Variants in RNH1 observed in about 807,000 individuals in gnomAD.
RNH1 encodes ribonuclease inhibitor.
In RNH1, 38 loss-of-function variants were observed where a neutral mutation model predicts 46.1. The ratio of observed to expected loss-of-function variants is 0.82; its 90% CI spans 0.64 to 1.08. RNH1 has a LOEUF of 1.08. Ranked by LOEUF, RNH1 falls within the 50% of genes least tolerant of loss-of-function variation. RNH1 has a pLI of 0.00. For synonymous variants in RNH1, 319 were observed against 279.1 expected, an observed-to-expected ratio of 1.14 and a Z score of -1.43; for missense variants, 577 against 590.7, an observed-to-expected ratio of 0.98 and a Z score of 0.24.
In RNH1 at chr11:495,500, C is replaced by T. The variant is rs567429388; in HGVS notation, c.1128-447G>A. Among the ~76,000 whole-genome samples the T allele has an allele frequency of 8.6e-4, 131 of 152,284 alleles. 2 individuals carry two copies. Among genetic ancestry groups the T allele is most frequent in the African/African-American group, 3.1e-3 (127 of 41,556 alleles). Reference sequence around the variant, plus strand: ...TAGGCTCCAGAGAGAGACAAGAGAACGGGTCAGACAAAAGAGGATGGGATA... The same window carrying T: ...TAGGCTCCAGAGAGAGACAAGAGAATGGGTCAGACAAAAGAGGATGGGATA... On this transcript the variant is annotated intron_variant, in intron 9 of 10. Coordinates refer to ENST00000354420, the MANE Select transcript of RNH1 (RefSeq NM_203387.3).
chr11:494,905 C>T lies in RNH1; in HGVS notation c.1276G>A (p.Gly426Ser). Residue 426 changes from glycine to serine, a missense_variant, in exon 10 of 11, where the codon GGC becomes AGC. Transcript: ENST00000354420. ...TACACCAGCTGCTCCAGGAGGCAGCCCGGCTGCCGGACGCTCTCCACCAGC... is the reference window on the plus strand; with the variant it reads ...TACACCAGCTGCTCCAGGAGGCAGCTCGGCTGCCGGACGCTCTCCACCAGC... ...LQLVESVRQP[G>S]CLLEQLVLYD... 1 of 1,611,584 alleles carries T rather than the reference C, an allele frequency of 6.2e-7. No homozygotes were observed. The highest frequency in any genetic ancestry group is 8.5e-7 in the Non-Finnish European group (1 of 1,179,234).
At position 497,891 on chromosome 11, in the gene RNH1, C is replaced by T. The variant is rs1849321961; in HGVS notation, c.1127+80G>A. On this transcript the variant is annotated intron_variant, in intron 9 of 10. Coordinates refer to ENST00000354420, the MANE Select transcript of RNH1 (RefSeq NM_203387.3). Reference sequence around the variant, plus strand: ...ACGGACACTCGTGCTCACACAGATACTCGTGCACTCTCGCCCTTGTGTGCA... The same window carrying T: ...ACGGACACTCGTGCTCACACAGATATTCGTGCACTCTCGCCCTTGTGTGCA... 4.0e-6 allele frequency: 6 copies of T among 1,502,464 alleles called. No individual in the cohort carries two copies. The Admixed American group carries it at 5.6e-5, about 14-fold the overall frequency. 93.1% of individuals were successfully genotyped at this position (1,502,464 alleles called of 1,614,324 possible).
Position 499,190 on chromosome 11 carries a change from G to C in RNH1, c.444-5C>G. The C allele has an allele frequency of 6.2e-7, 1 of 1,611,750 alleles. No homozygotes were observed. The highest frequency in any genetic ancestry group is 1.1e-5 in the South Asian group (1 of 91,080). On this transcript the variant is annotated splice_region_variant and splice_polypyrimidine_tract_variant and intron_variant, in intron 5 of 10. Coordinates refer to ENST00000354420, the MANE Select transcript of RNH1 (RefSeq NM_203387.3). ...GAGAGGCTGCAATACTCCAGCCTGG[G>C]GGACAGCAGAGCTCAGCACCACACA...
chr11:505,747 A>G (rs1006093563), intron 1 of RNH1: 4 of 152,006 alleles, frequency 2.6e-5, no homozygotes, highest in African/African-American at 9.7e-5. Flanking sequence ...TTTTGTAGAG[A>G]CGGGGGTCTC....
At position 502,751 on chromosome 11, in the gene RNH1, G is replaced by T. The variant is rs1315688937; in HGVS notation, c.-87-502C>A. ...GTCCGAAGCAAGACAGAGCAGGGGGGCGGCCACTTGGGGTGTCAGCTTCCA... is the reference window on the plus strand; with the variant it reads ...GTCCGAAGCAAGACAGAGCAGGGGGTCGGCCACTTGGGGTGTCAGCTTCCA... On this transcript the variant is annotated intron_variant, in intron 2 of 10. Transcript: ENST00000354420. The surrounding 1 kb of genome is among the most constrained non-coding windows in gnomAD (Gnocchi z 5.8). The T allele has an allele frequency of 6.5e-6, 1 of 153,402 alleles. No individual in the cohort carries two copies. Among genetic ancestry groups the T allele is most frequent in the East Asian group, 1.9e-4 (1 of 5,286 alleles). The allele number at this position is 153,402 out of a possible 1,614,324, so 9.5% of individuals were successfully genotyped here.
rs762901413 is a variant in RNH1 at position 498,589 on chromosome 11, T to TC, written c.823dup (p.Asp275GlyfsTer25). The TC allele has an allele frequency of 5.0e-6, 8 of 1,612,604 alleles. No homozygotes were observed. Among genetic ancestry groups the TC allele is most frequent in the African/African-American group, 1.3e-5 (1 of 74,870 alleles). ...CTTGGCCCTGAGGACACGGCACAGA[T>TC]CCCCGCAGCCCTTGGCAGTGATGCC... On this transcript the variant is annotated frameshift_variant, in exon 8 of 11. Coordinates refer to ENST00000354420, the MANE Select transcript of RNH1 (RefSeq NM_203387.3). LOFTEE classifies it high-confidence loss of function.
intron 9 of RNH1, among the ~76,000 whole-genome samples, chr11:495,784 C>T (rs1022276503): frequency 7.2e-5 from 11 of 152,156 alleles, no homozygotes; most frequent in Non-Finnish European, 1.6e-4. Context: ...AGGAAGCCCT[C>T]GAGAAACGCA....
Position 502,105 on chromosome 11 carries a change from A to T in RNH1, c.58T>A (p.Trp20Arg). 6.2e-7 allele frequency: 1 copy of T among 1,612,446 alleles called. No homozygotes were observed. The highest frequency in any genetic ancestry group is 8.5e-7 in the Non-Finnish European group (1 of 1,179,610). Reference protein sequence around the residue: ...IQCEELSDARWAELLPLLQQC... With the variant: ...IQCEELSDARRAELLPLLQQC... Reference sequence around the variant, plus strand: ...TGGAGCAGAGGGAGGAGCTCGGCCCATCTAGCGTCGCTCAGCTCCTCACAC... The same window carrying T: ...TGGAGCAGAGGGAGGAGCTCGGCCCTTCTAGCGTCGCTCAGCTCCTCACAC... The change falls in exon 3 of 11, where the codon TGG becomes AGG. Residue 20 changes from tryptophan to arginine, a missense_variant. Coordinates refer to ENST00000354420, the MANE Select transcript of RNH1 (RefSeq NM_203387.3). This position sits in a 1 kb window ranked among gnomAD's most constrained non-coding sequence, Gnocchi z 5.8.
chr11:498,896 C>G lies in RNH1; in HGVS notation c.652G>C (p.Asp218His), dbSNP rs1212921880. Residue 218 changes from aspartate to histidine, a missense_variant, in exon 7 of 11, where the codon GAC (aspartate) becomes CAC (histidine). By Grantham distance (81) the Asp-to-His change is moderately conservative (BLOSUM62 -1). Transcript: ENST00000354420. ...TTGGAGGCCACAATGCCGCACAGGT[C>G]CCGGCAGTTGTCTGATGTCACACCG... Reference protein sequence around the residue: ...SCGVTSDNCRDLCGIVASKAS... With the variant: ...SCGVTSDNCRHLCGIVASKAS... The G allele has an allele frequency of 6.2e-7, 1 of 1,612,696 alleles. No individual in the cohort carries two copies. Among genetic ancestry groups the G allele is most frequent in the East Asian group, 2.2e-5 (1 of 44,874 alleles).
Position 499,174 on chromosome 11 carries a change from C to T in RNH1, c.455G>A (p.Cys152Tyr), listed in dbSNP as rs1251156343. The T allele has an allele frequency of 6.2e-7, 1 of 1,612,420 alleles. No homozygotes were observed. Among genetic ancestry groups the T allele is most frequent in the African/African-American group, 1.3e-5 (1 of 74,932 alleles). Residue 152 changes from cysteine to tyrosine, a missense_variant, in exon 6 of 11, where the codon TGC becomes TAC. Coordinates refer to ENST00000354420, the MANE Select transcript of RNH1 (RefSeq NM_203387.3). Reference protein sequence around the residue: ...CRLEKLQLEYCSLSAASCEPL... With the variant: ...CRLEKLQLEYYSLSAASCEPL... ...CTCGCAGCTGGCAGCCGAGAGGCTGCAATACTCCAGCCTGGGGGACAGCAG... is the reference window on the plus strand; with the variant it reads ...CTCGCAGCTGGCAGCCGAGAGGCTGTAATACTCCAGCCTGGGGGACAGCAG...
At chr11:498,258 A>T (rs1465066001) in intron 8 of RNH1, 117 bp from the exon 9 acceptor site, 1 of 1,304,218 alleles carries the variant, frequency 7.7e-7, no homozygotes, top group African/African-American at 1.5e-5. Context: ...ACAGCCTCCC[A>T]GCAAGTGGGC....
At chr11:500,100 G>T (rs1326567669) in intron 4 of RNH1, 101 bp from the exon 5 acceptor site, 5 of 1,316,306 alleles carry the variant, frequency 3.8e-6, no homozygotes, top group Non-Finnish European at 5.1e-6. Flanking sequence ...TCAGGCGGCA[G>T]GTCTATACCT....
rs1848871319 is a variant in RNH1, at chr11:494,639, C to G, written c.*52G>C. 6.5e-7 allele frequency: 1 copy of G among 1,549,296 alleles called. No homozygotes were observed. Among genetic ancestry groups the G allele is most frequent in the South Asian group, 1.1e-5 (1 of 89,872 alleles). On this transcript the variant is annotated 3_prime_UTR_variant, in exon 11 of 11. Transcript: ENST00000354420. ...AGAGCATGGCAGGGGCTGGTGGGCCCCAGGGTTGCCTCGAGGCCGGTCGTC... is the reference window on the plus strand; with the variant it reads ...AGAGCATGGCAGGGGCTGGTGGGCCGCAGGGTTGCCTCGAGGCCGGTCGTC...
intron 1 of RNH1, 98 bp from the exon 2 acceptor site, chr11:505,094 CTCA>C (rs1042688068): frequency 6.6e-5 from 10 of 152,098 alleles, no homozygotes; most frequent in African/African-American, 1.7e-4. Context: ...TCATTAATGC[CTCA>C]TGTCTCTCTA....
intron 3 of RNH1, 59 bp from the exon 4 acceptor site, chr11:500,713 C>T (rs1168248659): frequency 6.4e-7 from 1 of 1,572,564 alleles, no homozygotes; most frequent in Middle Eastern, 1.7e-4. Flanking sequence ...TCAGCCTCCA[C>T]CACCACCCCA....
chr11:498,513 A>C lies in RNH1; in HGVS notation c.900T>G (p.Gly300=). Residue 300 remains glycine, a synonymous_variant, in exon 8 of 11, where the codon GGT becomes GGG. Coordinates refer to ENST00000354420, the MANE Select transcript of RNH1 (RefSeq NM_203387.3). ...GCAGGGTCTCACACAGCAGTCGGGCACCCTCATCCCCCAGCTCGTTGCCGG... is the reference window on the plus strand; with the variant it reads ...GCAGGGTCTCACACAGCAGTCGGGCCCCCTCATCCCCCAGCTCGTTGCCGG... ...SLAGNELGDE[G]ARLLCETLLE... is the part of the protein sequence containing the mutation. The C allele has an allele frequency of 6.2e-7, 1 of 1,613,102 alleles. No homozygotes were observed. The highest frequency in any genetic ancestry group is 8.5e-7 in the Non-Finnish European group (1 of 1,179,946).
In RNH1 at chr11:504,877, G is replaced by A. The variant is rs1256216278; in HGVS notation, c.-141C>T. ...GGAGAAGGTGGAACAGGTTGACGATGATTTGTTGTAGCTGAGGCGAACGGG... is the reference window on the plus strand; with the variant it reads ...GGAGAAGGTGGAACAGGTTGACGATAATTTGTTGTAGCTGAGGCGAACGGG... On this transcript the variant is annotated 5_prime_UTR_variant, in exon 2 of 11. Coordinates refer to ENST00000354420, the MANE Select transcript of RNH1 (RefSeq NM_203387.3). 6.6e-6 allele frequency: 1 copy of A among 152,264 alleles called. No homozygotes were observed. The highest frequency in any genetic ancestry group is 1.9e-4 in the East Asian group (1 of 5,206). 9.4% of individuals were successfully genotyped at this position (152,264 alleles called of 1,614,324 possible). A position where few individuals can be genotyped will look rare whatever the true frequency, so the allele number is the denominator to read the frequency against.
intron 9 of RNH1, among the ~76,000 whole-genome samples, chr11:496,798 A>G (rs917182395): frequency 1.3e-5 from 2 of 152,272 alleles, no homozygotes; most frequent in African/African-American, 4.8e-5. Flanking sequence ...AGAAAGCTGC[A>G]AAAGAACGTG....
intron 8 of RNH1, 72 bp from the exon 9 acceptor site, chr11:498,213 T>C: frequency 6.6e-7 from 1 of 1,507,350 alleles, no homozygotes; most frequent in South Asian, 1.3e-5. Context: ...GCCCTTCCCC[T>C]GAAGGCCCCA....
Sources: allele counts gnomAD v4.1 joint callset (sites outside exome capture counted in the v4.1 genomes callset), GRCh38; gene constraint gnomAD v4.1.1; non-coding constraint Gnocchi (gnomAD v3.1); transcripts MANE v1.5; gene names NCBI Gene and HGNC (gene_info 2026-07-23, HGNC 2026-07-21).